TMEM132B: variants seen among roughly 807,000 people sequenced by gnomAD.
TMEM132B encodes transmembrane protein 132B.
Under a neutral mutation model 90.8 loss-of-function variants are expected in TMEM132B, and 18 were observed. The observed-to-expected ratio is 0.20, with a 90% CI of 0.14 to 0.29. The LOEUF (loss-of-function observed/expected upper bound fraction) is 0.29, where lower values mean the gene tolerates loss of function less well. TMEM132B is among the 10% of genes least tolerant of loss of function. The pLI, the probability that TMEM132B is intolerant of heterozygous loss-of-function variation, is 1.00. For missense variants in TMEM132B, 1,096 were observed against 1,326.8 expected, an observed-to-expected ratio of 0.83 and a Z score of 2.70; for synonymous variants, 504 against 523.3, an observed-to-expected ratio of 0.96 and a Z score of 0.50.
chr12:125,298,667 C>A (rs1209861430), intron 1 of TMEM132B, among the ~76,000 whole-genome samples: 2 of 54,066 alleles, frequency 3.7e-5, no homozygotes, highest in African/African-American at 2.4e-4. Context: ...GAGTGAGACT[C>A]TGTCTCAAAA....
At chr12:125,560,687 C>T (rs545372055) in intron 4 of TMEM132B, among the ~76,000 whole-genome samples, 19 of 151,680 alleles carry the variant, frequency 1.3e-4, no homozygotes, top group Non-Finnish European at 2.4e-4. Flanking sequence ...TAGCCGGGCG[C>T]GGTGGCGGGT....
rs548049965 is a variant in TMEM132B, at chr12:125,295,740, ACT to A, written c.68-53709_68-53708del. 5.5e-3 allele frequency among the ~76,000 whole-genome samples: 841 copies of A among 152,054 alleles called. 2 individuals carry two copies. Among genetic ancestry groups the A allele is most frequent in the Non-Finnish European group, 7.7e-3 (526 of 67,984 alleles). ...AGCCAGGACTTGAGTCTGAGACCTG[ACT>A]CTACTGTGCATCGGTGGCTGGGCCT... On this transcript the variant is annotated intron_variant, in intron 1 of 8. Coordinates refer to ENST00000682704, the MANE Select transcript of TMEM132B (RefSeq NM_001366854.1).
chr12:125,193,051 A>C (rs1241382450), intron 1 of TMEM132B, among the ~76,000 whole-genome samples: 1 of 152,192 alleles, frequency 6.6e-6, no homozygotes, highest in African/African-American at 2.4e-5. Context: ...GGCTGTTAGC[A>C]CAGGGCACGA....
At chr12:125,189,271 A>C (rs1369119460) in intron 1 of TMEM132B, among the ~76,000 whole-genome samples, 1 of 152,230 alleles carries the variant, frequency 6.6e-6, no homozygotes, top group East Asian at 1.9e-4. Context: ...ACTTTTGTAC[A>C]TGCTGTGGCT....
At chr12:125,250,010 C>T (rs528833979) in intron 1 of TMEM132B, among the ~76,000 whole-genome samples, 2 of 152,356 alleles carry the variant, frequency 1.3e-5, no homozygotes, top group African/African-American at 4.8e-5. Flanking sequence ...GAGTGCAGGG[C>T]GTTTTATTGG....
intron 2 of TMEM132B, among the ~76,000 whole-genome samples, chr12:125,376,817 C>T (rs1025995727): frequency 3.9e-5 from 6 of 152,220 alleles, no homozygotes; most frequent in African/African-American, 1.4e-4. Flanking sequence ...GACTTTGGCA[C>T]CTGAGCCAGT....
At position 125,435,935 on chromosome 12, in the gene TMEM132B, C is replaced by T. The variant is rs112927172; in HGVS notation, c.1106+20258C>T. 3.5e-3 allele frequency among the ~76,000 whole-genome samples: 539 copies of T among 152,108 alleles called. 2 individuals are homozygous for T. Among genetic ancestry groups the T allele is most frequent in the African/African-American group, 0.011 (454 of 41,502 alleles). On this transcript the variant is annotated intron_variant, in intron 3 of 8. Transcript: ENST00000682704. ...GAGCAGAGGTAGTGTCAGAGGGTCT[C>T]GGTGCTGATGTCTGCCTCTCCATCC...
At chr12:125,271,138 A>G (rs1259964893) in intron 1 of TMEM132B, among the ~76,000 whole-genome samples, 3 of 151,890 alleles carry the variant, frequency 2.0e-5, no homozygotes, top group Non-Finnish European at 4.4e-5. Context: ...TTAATTTTTA[A>G]TCTTTATTTT....
intron 3 of TMEM132B, among the ~76,000 whole-genome samples, chr12:125,467,408 T>C (rs1206817824): frequency 6.6e-6 from 1 of 152,098 alleles, no homozygotes; most frequent in Non-Finnish European, 1.5e-5. Flanking sequence ...CTTTTTCTCC[T>C]CTTCCTCACT....
intron 5 of TMEM132B, among the ~76,000 whole-genome samples, chr12:125,619,358 T>G: frequency 6.7e-6 from 1 of 149,376 alleles, no homozygotes; most frequent in Non-Finnish European, 1.5e-5. Flanking sequence ...ATTTATTTAT[T>G]TATTTATTTA....
rs372174145 is a variant in TMEM132B at position 125,402,862 on chromosome 12, A to ATT, written c.960-12660_960-12659dup. The stretch of plus-strand genomic sequence containing the variant: ...GAAGAACCTATGGAAAATACATATA[A>ATT]TTTTTTTTTTCTGTATGTCAGAAAT... On this transcript the variant is annotated intron_variant, in intron 2 of 8. Transcript: ENST00000682704. Among the ~76,000 whole-genome samples, 502 of 151,114 alleles carry ATT rather than the reference A, an allele frequency of 3.3e-3. 3 individuals are homozygous for ATT. Among genetic ancestry groups the ATT allele is most frequent in the African/African-American group, 0.012 (486 of 41,212 alleles).
intron 1 of TMEM132B, among the ~76,000 whole-genome samples, chr12:125,226,546 A>G (rs760498119): frequency 4.6e-5 from 7 of 152,178 alleles, no homozygotes; most frequent in Non-Finnish European, 1.0e-4. Flanking sequence ...TGTGGTTCTC[A>G]TGTCTACTTC....
chr12:125,602,422 G>T (rs1885593638), intron 5 of TMEM132B, among the ~76,000 whole-genome samples: 1 of 152,168 alleles, frequency 6.6e-6, no homozygotes. Context: ...ACTCCTTCGT[G>T]TTAAAAACTC....
rs188429349 is a variant in TMEM132B, at chr12:125,259,424, A to C, written c.67+72558A>C. Among the ~76,000 whole-genome samples, 466 of 152,284 alleles carry C rather than the reference A, an allele frequency of 3.1e-3. 5 individuals are homozygous for C. Among genetic ancestry groups the C allele is most frequent in the East Asian group, 1.4e-3 (7 of 5,170 alleles). On this transcript the variant is annotated intron_variant, in intron 1 of 8. Transcript: ENST00000682704. The stretch of plus-strand genomic sequence containing the variant: ...TGAGTTGGATGTCTGTCACTTCAGT[A>C]ATTGTCACAAGATTTAAAGAATTAG...
intron 2 of TMEM132B, among the ~76,000 whole-genome samples, chr12:125,398,444 A>G (rs1443097089): frequency 1.3e-5 from 2 of 152,226 alleles, no homozygotes; most frequent in Non-Finnish European, 2.9e-5. Flanking sequence ...TTCTAAGTCA[A>G]TGCAGAGAAA....
Position 125,583,901 on chromosome 12 carries a change from TC to T in TMEM132B, c.1346del (p.Pro449LeufsTer41). ...TTCTCACTGGAAAGCCTGTTTCAGT[TC>T]CTGTCAAAGTCGTGGGGGTCCAGGA... ...AILTGKPVSVPVKVVGVQEDG... is the reference protein window; with the variant it reads ...AILTGKPVSVXVKVVGVQEDG... On this transcript the variant is annotated frameshift_variant, in exon 5 of 9. Transcript: ENST00000682704. LOFTEE classifies it high-confidence loss of function. 6.2e-7 allele frequency: 1 copy of T among 1,614,164 alleles called. No homozygotes were observed.
At chr12:125,597,373 G>T (rs1168568661) in intron 5 of TMEM132B, among the ~76,000 whole-genome samples, 2 of 152,162 alleles carry the variant, frequency 1.3e-5, no homozygotes, top group Non-Finnish European at 2.9e-5. Context: ...TAATGTGCCT[G>T]GCTTCAGGTT....
chr12:125,565,424 T>C (rs1011890620), intron 4 of TMEM132B, among the ~76,000 whole-genome samples: 2 of 152,222 alleles, frequency 1.3e-5, no homozygotes, highest in African/African-American at 4.8e-5. Flanking sequence ...CAAGTGTGCG[T>C]ATGCTACAGT....
Position 125,653,641 on chromosome 12 carries a change from A to T in TMEM132B, c.2183A>T (p.Tyr728Phe), listed in dbSNP as rs1318049943. ...TTAGACATTTACGATCCTAAGGATT[A>T]TTCTGTTACTGTCTCATCATTGGAT... ...TPLDIYDPKD[Y>F]SVTVSSLDEM... is the part of the protein sequence containing the mutation. The change falls in exon 9 of 9, where the codon TAT becomes TTT. Residue 728 changes from tyrosine to phenylalanine, a missense_variant. Coordinates refer to ENST00000682704, the MANE Select transcript of TMEM132B (RefSeq NM_001366854.1). 6.2e-7 allele frequency: 1 copy of T among 1,614,224 alleles called. No homozygotes were observed. Among genetic ancestry groups the T allele is most frequent in the Non-Finnish European group, 8.5e-7 (1 of 1,180,036 alleles).
Sources: allele counts gnomAD v4.1 joint callset (sites outside exome capture counted in the v4.1 genomes callset), GRCh38; gene constraint gnomAD v4.1.1; transcripts MANE v1.5; gene names NCBI Gene and HGNC (gene_info 2026-07-23, HGNC 2026-07-21).